RPL31: variants seen among roughly 807,000 people sequenced by gnomAD.
The protein encoded by RPL31 is large ribosomal subunit protein eL31.
For missense variants in RPL31, 95 were observed against 164.0 expected (o/e 0.58, Z 2.30); for synonymous variants, 51 against 55.0 (o/e 0.93, Z 0.32).
chr2:101,002,944 C>T lies in RPL31; in HGVS notation c.107+136C>T, dbSNP rs962267018. 7.2e-5 allele frequency: 48 copies of T among 669,378 alleles called. No individual in the cohort carries two copies. In the Middle Eastern group the frequency reaches 7.4e-4, roughly 10 times the overall value. 41.5% of individuals were successfully genotyped at this position (669,378 alleles called of 1,614,324 possible). A position where few individuals can be genotyped will look rare whatever the true frequency, so the allele number is the denominator to read the frequency against. On this transcript the variant is annotated intron_variant, in intron 2 of 4. Transcript: ENST00000264258. The stretch of plus-strand genomic sequence containing the variant: ...TTCATTCATTGGCAATTTAACAAAT[C>T]CTGTGGGCTCTACCCTCCGAATACA...
At chr2:101,008,372 T>G, downstream of RPL31, 1 of 942,434 alleles carries the variant, frequency 1.1e-6, no homozygotes, top group East Asian at 2.7e-5. Context: ...CGACACAGTA[T>G]TTTTGAAGAC....
intron 4 of RPL31, among the ~76,000 whole-genome samples, chr2:101,017,653 T>G (rs1271599139): frequency 6.6e-6 from 1 of 152,236 alleles, no homozygotes; most frequent in Admixed American, 6.5e-5. Context: ...TGCAAAGATC[T>G]TGTGTATTTC....
chr2:101,009,613 C>G (rs1679037173), downstream of RPL31, among the ~76,000 whole-genome samples: 1 of 151,808 alleles, frequency 6.6e-6, no homozygotes, highest in African/African-American at 2.4e-5. Flanking sequence ...TCATTTTGAT[C>G]ATATATCCAG....
intron 4 of RPL31, among the ~76,000 whole-genome samples, chr2:101,014,944 A>G (rs930061886): frequency 1.3e-5 from 2 of 152,134 alleles, no homozygotes; most frequent in Non-Finnish European, 2.9e-5. Flanking sequence ...GTTTTTCTCC[A>G]CAGCAAATAT....
chr2:101,002,407 C>T, intron 1 of RPL31, 92 bp downstream of exon 1: 1 of 411,410 alleles, frequency 2.4e-6, no homozygotes. Flanking sequence ...CTCTCCCGAG[C>T]CAGCCCGGGG....
chr2:101,009,853 G>A (rs7355370), downstream of RPL31, among the ~76,000 whole-genome samples: 26,182 of 143,758 alleles, frequency 0.18, 2,609 homozygotes, highest in Middle Eastern at 0.34. Context: ...ATGGAGTCTC[G>A]CTCTGTCGCC....
intron 3 of RPL31, chr2:101,004,909 G>T (rs185309207): frequency 6.6e-6 from 1 of 152,496 alleles, no homozygotes; most frequent in Non-Finnish European, 1.5e-5. Flanking sequence ...TGAGGTGCCA[G>T]AACAGAAGTG....
At chr2:101,008,163 G>T, downstream of RPL31, 4 of 1,613,732 alleles carry the variant, frequency 2.5e-6, no homozygotes, top group Non-Finnish European at 3.4e-6. Flanking sequence ...CCACCTCCCC[G>T]ATCTGCAGCA....
In RPL31 at chr2:101,004,272, C is replaced by G; in HGVS notation, c.222C>G (p.Ala74=). 1 of 1,613,890 alleles carries G rather than the reference C, an allele frequency of 6.2e-7. No individual in the cohort carries two copies. Among genetic ancestry groups the G allele is most frequent in the Non-Finnish European group, 8.5e-7 (1 of 1,179,986 alleles). The part of the protein sequence containing the change: ...IDTRLNKAVW[A]KGIRNVPYRI... ...CCAGGCTCAACAAAGCTGTCTGGGC[C>G]AAAGGAATAAGGTGCTAAAGTTATC... Residue 74 remains alanine (A), a synonymous_variant, in exon 3 of 5, where the codon GCC becomes GCG. Transcript: ENST00000264258.
At chr2:101,018,104 AC>A (rs1303522945) in intron 4 of RPL31, 1 of 590,934 alleles carries the variant, frequency 1.7e-6, no homozygotes, top group Non-Finnish European at 3.0e-6. Context: ...TCCAATCAAC[AC>A]TTTTTCATAT....
downstream of RPL31, among the ~76,000 whole-genome samples, chr2:101,009,213 G>A (rs1678987686): frequency 6.6e-6 from 1 of 152,026 alleles, no homozygotes; most frequent in Admixed American, 6.6e-5. Flanking sequence ...CTAACACCTG[G>A]CTAACATGGT....
intron 4 of RPL31, among the ~76,000 whole-genome samples, chr2:101,015,514 C>G (rs1679561203): frequency 6.6e-6 from 1 of 152,202 alleles, no homozygotes; most frequent in African/African-American, 2.4e-5. Flanking sequence ...TGCCTTAAAA[C>G]ACAAACACAT....
chr2:101,007,404 T>G (rs1678804672), downstream of RPL31: 2 of 172,074 alleles, frequency 1.2e-5, no homozygotes, highest in Non-Finnish European at 2.5e-5. Flanking sequence ...GCACAGATAG[T>G]GGACTCCCTT....
chr2:101,004,432 T>C, intron 3 of RPL31, 149 bp downstream of exon 3: 1 of 807,998 alleles, frequency 1.2e-6, no homozygotes, highest in East Asian at 2.6e-5. Context: ...TTAGGGTGTG[T>C]AGTATCTGCA....
At chr2:101,006,172 T>C in intron 4 of RPL31, 101 bp downstream of exon 4, 5 of 1,521,726 alleles carry the variant, frequency 3.3e-6, no homozygotes, top group African/African-American at 1.4e-5. Context: ...ACACACGTCA[T>C]TGTACCCTTT....
At chr2:101,015,275 T>C (rs1679540104) in intron 4 of RPL31, among the ~76,000 whole-genome samples, 2 of 152,184 alleles carry the variant, frequency 1.3e-5, no homozygotes, top group South Asian at 4.1e-4. Flanking sequence ...ATAGACCACT[T>C]ACTATGAATG....
At chr2:101,011,553 T>A, downstream of RPL31, 1 of 1,613,614 alleles carries the variant, frequency 6.2e-7, no homozygotes, top group East Asian at 2.2e-5. Context: ...TAAAAAAAGA[T>A]GAGAGGTTTA....
chr2:101,007,687 G>GTT, downstream of RPL31: 1 of 900,180 alleles, frequency 1.1e-6, no homozygotes, highest in Non-Finnish European at 1.7e-6. Flanking sequence ...CCTGGCCACA[G>GTT]TTTGTCAGGT....
intron 2 of RPL31, among the ~76,000 whole-genome samples, chr2:101,003,546 A>G (rs1678617817): frequency 6.6e-6 from 1 of 152,168 alleles, no homozygotes; most frequent in South Asian, 2.1e-4. Context: ...TGATGTACTC[A>G]ATAGGTTGCT....
Sources: allele counts gnomAD v4.1 joint callset (sites outside exome capture counted in the v4.1 genomes callset), GRCh38; gene constraint gnomAD v4.1.1; transcripts MANE v1.5; gene names NCBI Gene and HGNC (gene_info 2026-07-23, HGNC 2026-07-21).